Variants in USP34 observed in about 807,000 individuals in gnomAD.
USP34 encodes the protein ubiquitin specific peptidase 34, also known as ubiquitin carboxyl-terminal hydrolase 34.
USP34 carries 70 observed loss-of-function variants against 460.3 expected under a neutral mutation model. That is an observed-to-expected ratio of 0.15 (90% CI 0.13 to 0.19). The LOEUF (loss-of-function observed/expected upper bound fraction) is 0.19. Among genes scored for constraint, USP34 ranks in the 10% least tolerant of loss-of-function variants. The probability of loss-of-function intolerance (pLI) is 1.00; values close to 1 mark genes in which losing one functional copy is unlikely to be tolerated. For missense variants in USP34, 3,985 were observed against 4,236.2 expected (o/e 0.94, Z 1.65); for synonymous variants, 1,647 against 1,405.3 (o/e 1.17, Z -3.85).
At chr2:61,330,014 CA>C (rs1240836354) in intron 20 of USP34, among the ~76,000 whole-genome samples, 14 of 152,140 alleles carry the variant, frequency 9.2e-5, no homozygotes, top group African/African-American at 3.4e-4. Flanking sequence ...GTTATAAGGA[CA>C]AAAGTAGTGT....
chr2:61,285,156 C>T (rs562939589), intron 34 of USP34, among the ~76,000 whole-genome samples, 199 bp from the exon 35 acceptor site: 3 of 152,052 alleles, frequency 2.0e-5, no homozygotes, highest in East Asian at 1.9e-4. Context: ...TGCCAAGAAT[C>T]GGAAAACCAG....
chr2:61,238,771 T>C (rs1040382215), intron 53 of USP34, among the ~76,000 whole-genome samples: 1 of 152,174 alleles, frequency 6.6e-6, no homozygotes. Context: ...AATTTTCTAA[T>C]GTACAGGCAT....
chr2:61,282,161 T>C (rs1305844721), intron 37 of USP34, among the ~76,000 whole-genome samples: 2 of 152,140 alleles, frequency 1.3e-5, no homozygotes, highest in Admixed American at 6.5e-5. Context: ...AGCTAATTTT[T>C]TGTATTTTTA....
chr2:61,288,036 C>T (rs933216875), intron 34 of USP34, among the ~76,000 whole-genome samples: 1 of 152,206 alleles, frequency 6.6e-6, no homozygotes, highest in Non-Finnish European at 1.5e-5. Context: ...TTTCTTCTGT[C>T]AGCATTTATC....
intron 2 of USP34, among the ~76,000 whole-genome samples, chr2:61,420,268 A>G (rs1573023709): frequency 6.6e-6 from 1 of 152,192 alleles, no homozygotes; most frequent in Admixed American, 6.5e-5. Flanking sequence ...TCCTTTTTAT[A>G]AACTTTGATT....
At chr2:61,412,189 CAAAA>C (rs10581550) in intron 2 of USP34, among the ~76,000 whole-genome samples, 3 of 92,138 alleles carry the variant, frequency 3.3e-5, no homozygotes, top group Non-Finnish European at 6.5e-5. Flanking sequence ...AACTCCATCT[CAAAA>C]AAAAAAAAAA....
intron 79 of USP34, 60 bp downstream of exon 79, chr2:61,188,850 C>G: frequency 6.3e-7 from 1 of 1,595,876 alleles, no homozygotes; most frequent in Non-Finnish European, 8.5e-7. Flanking sequence ...ACCAGTTACA[C>G]CAAGTGTATT....
intron 1 of USP34, among the ~76,000 whole-genome samples, chr2:61,423,110 G>C (rs1378332231): frequency 1.3e-5 from 2 of 152,260 alleles, no homozygotes; most frequent in East Asian, 3.9e-4. Context: ...ATATACTTTT[G>C]TCTTTTTAAA....
intron 14 of USP34, 74 bp downstream of exon 14, chr2:61,348,682 T>G (rs1168884665): frequency 6.5e-7 from 1 of 1,531,306 alleles, no homozygotes; most frequent in East Asian, 2.4e-5. Flanking sequence ...ATTATGTATA[T>G]ATACCCAATT....
At chr2:61,440,656 T>C (rs1694937664) in intron 1 of USP34, among the ~76,000 whole-genome samples, 1 of 151,634 alleles carries the variant, frequency 6.6e-6, no homozygotes, top group Non-Finnish European at 1.5e-5. Flanking sequence ...TAGCTGGGAT[T>C]AAAGGCGCCC....
chr2:61,272,664 A>C (rs1317892053), intron 41 of USP34, among the ~76,000 whole-genome samples: 1 of 152,294 alleles, frequency 6.6e-6, no homozygotes, highest in East Asian at 1.9e-4. Context: ...CTGAAATGTT[A>C]ATTCAGATCA....
chr2:61,365,256 TACACACAC>T (rs34689463), intron 10 of USP34, among the ~76,000 whole-genome samples: 262 of 142,440 alleles, frequency 1.8e-3, no homozygotes, highest in East Asian at 4.0e-3. Flanking sequence ...CATTTCAAAA[TACACACAC>T]ACACACACAC....
intron 10 of USP34, among the ~76,000 whole-genome samples, chr2:61,354,864 C>T (rs1692057989): frequency 6.6e-6 from 1 of 152,134 alleles, no homozygotes; most frequent in South Asian, 2.1e-4. Flanking sequence ...CAGAATGCTT[C>T]AATGCTCACC....
At chr2:61,288,960 A>G in intron 33 of USP34, 83 bp from the exon 34 acceptor site, 1 of 1,390,334 alleles carries the variant, frequency 7.2e-7, no homozygotes, top group Non-Finnish European at 9.9e-7. Flanking sequence ...AAAAGACCAG[A>G]AAATAAAAAT....
chr2:61,332,886 A>T (rs1466248534), intron 19 of USP34, among the ~76,000 whole-genome samples: 7 of 152,038 alleles, frequency 4.6e-5, no homozygotes, highest in African/African-American at 1.7e-4. Context: ...AGCAAGGTAT[A>T]TGACTCAGAA....
At chr2:61,345,810 A>G (rs544508040) in intron 15 of USP34, among the ~76,000 whole-genome samples, 1 of 152,210 alleles carries the variant, frequency 6.6e-6, no homozygotes, top group East Asian at 1.9e-4. Flanking sequence ...AGTGTTTTTA[A>G]TATTTTTGTA....
In USP34 at chr2:61,331,365, T is replaced by C. The variant is rs757212697; in HGVS notation, c.2841A>G (p.Ala947=). The C allele has an allele frequency of 2.2e-5, 36 of 1,610,586 alleles. No homozygotes were observed. Among genetic ancestry groups the C allele is most frequent in the Middle Eastern group, 1.6e-4 (1 of 6,068 alleles). Residue 947 remains alanine (A), a synonymous_variant, in exon 20 of 80, where the codon GCA becomes GCG. Coordinates refer to ENST00000398571, the MANE Select transcript of USP34 (RefSeq NM_014709.4). Reference sequence around the variant, plus strand: ...GCTTCATCATGTTCAGTTCTTTTTCTGCCCACCTGGCCCAAATAAAAGAAA... The same window carrying C: ...GCTTCATCATGTTCAGTTCTTTTTCCGCCCACCTGGCCCAAATAAAAGAAA... The part of the protein sequence containing the change: ...SYDTHWITMW[A]EKELNMMKLF...
chr2:61,342,504 G>T (rs1281047968), intron 16 of USP34, among the ~76,000 whole-genome samples: 2 of 151,698 alleles, frequency 1.3e-5, no homozygotes, highest in Non-Finnish European at 2.9e-5. Context: ...TAGGGATGGG[G>T]TTTCACCACG....
At chr2:61,300,894 A>T in intron 29 of USP34, 57 bp downstream of exon 29, 2 of 1,154,378 alleles carry the variant, frequency 1.7e-6, no homozygotes, top group Non-Finnish European at 2.5e-6. Context: ...TATTAAAGTT[A>T]CTATATCCTC....
Sources: gnomAD v4.1 joint callset for allele counts (sites outside exome capture counted in the v4.1 genomes callset) on GRCh38, gnomAD v4.1.1 for gene constraint, MANE v1.5 for transcripts, NCBI Gene and HGNC (gene_info 2026-07-23, HGNC 2026-07-21) for gene names.